ZNF417: variants seen among roughly 807,000 people sequenced by gnomAD.
ZNF417 encodes zinc finger protein 417.
In ZNF417, 5 loss-of-function variants were observed where a neutral mutation model predicts 7.4. The ratio of observed to expected loss-of-function variants is 0.68; its 90% CI spans 0.35 to 1.43. The LOEUF is 1.43. Ranked by LOEUF, ZNF417 falls within the 40% of genes most tolerant of loss-of-function variation. The probability of loss-of-function intolerance (pLI) is 0.04; values close to 1 mark genes in which losing one functional copy is unlikely to be tolerated. For missense variants in ZNF417, 437 were observed against 697.3 expected, an observed-to-expected ratio of 0.63 and a Z score of 4.20; for synonymous variants, 147 against 239.1, an observed-to-expected ratio of 0.61 and a Z score of 3.55.
chr19:57,911,512 T>C (rs1017299226), intron 2 of ZNF417, among the ~76,000 whole-genome samples: 9 of 152,082 alleles, frequency 5.9e-5, no homozygotes, highest in Admixed American at 6.6e-5. Flanking sequence ...ACCCAGTACA[T>C]AGGACCCGAC....
At chr19:57,912,614 T>G (rs1324236050) in intron 1 of ZNF417, among the ~76,000 whole-genome samples, 1 of 152,082 alleles carries the variant, frequency 6.6e-6, no homozygotes, top group East Asian at 1.9e-4. Flanking sequence ...CTTTGTTTTT[T>G]GGGGTTTTTT....
At chr19:57,913,875 T>A (rs918705677) in intron 1 of ZNF417, among the ~76,000 whole-genome samples, 1 of 152,176 alleles carries the variant, frequency 6.6e-6, no homozygotes, top group African/African-American at 2.4e-5. Flanking sequence ...CACCAAAATC[T>A]GAAGCATGTC....
At chr19:57,912,226 C>T in intron 1 of ZNF417, 37 bp from the exon 2 acceptor site, 3 of 1,612,056 alleles carry the variant, frequency 1.9e-6, no homozygotes, top group Non-Finnish European at 2.5e-6. Flanking sequence ...AACAGCCCCT[C>T]TGCTGAGGTA....
Position 57,907,537 on chromosome 19 carries a change from G to A in ZNF417, c.*1013C>T. On this transcript the variant is annotated 3_prime_UTR_variant, in exon 3 of 3. Coordinates refer to ENST00000312026, the MANE Select transcript of ZNF417 (RefSeq NM_152475.3). ...AGCCCTCAGGGAAGCTGAGGAGGTG[G>A]CTCCCTGCCTCCGGGTCCCTCAGAA... is the stretch of plus-strand genomic sequence containing the variant. 1 of 154,956 alleles carries A rather than the reference G, an allele frequency of 6.5e-6. No individual in the cohort carries two copies. Among genetic ancestry groups the A allele is most frequent in the Middle Eastern group, 5.2e-4 (1 of 1,922 alleles). The allele number at this position is 154,956 out of a possible 1,614,324, so 9.6% of individuals were successfully genotyped here.
chr19:57,913,892 A>G (rs931312216), intron 1 of ZNF417, among the ~76,000 whole-genome samples: 1 of 152,060 alleles, frequency 6.6e-6, no homozygotes, highest in Non-Finnish European at 1.5e-5. Context: ...TGTCCTCCTA[A>G]ATGGACCCAT....
At position 57,909,303 on chromosome 19, in the gene ZNF417, C is replaced by T. The variant is rs764221919; in HGVS notation, c.975G>A (p.Glu325=). The T allele has an allele frequency of 6.2e-7, 1 of 1,614,086 alleles. No individual in the cohort carries two copies. Among genetic ancestry groups the T allele is most frequent in the Non-Finnish European group, 8.5e-7 (1 of 1,179,958 alleles). The stretch of plus-strand genomic sequence containing the variant: ...CAAAAGATTTCCCATATTCTCTACA[C>T]TCATAAGGCCTTTCTCCAGTGTGAA... ...QRVHTGERPY[E]CREYGKSFGQ... is the part of the protein sequence containing the mutation. The change falls in exon 3 of 3, where the codon GAG becomes GAA. Residue 325 remains glutamate, a synonymous_variant. Transcript: ENST00000312026.
chr19:57,911,640 G>A (rs2071900066), intron 2 of ZNF417, among the ~76,000 whole-genome samples: 1 of 152,174 alleles, frequency 6.6e-6, no homozygotes. Flanking sequence ...TTCCTAAGCA[G>A]GGTCTTGCAA....
chr19:57,909,456 C>T lies in ZNF417; in HGVS notation c.822G>A (p.Gly274=). The T allele has an allele frequency of 6.2e-7, 1 of 1,613,774 alleles. No homozygotes were observed. The highest frequency in any genetic ancestry group is 8.5e-7 in the Non-Finnish European group (1 of 1,179,896). The change falls in exon 3 of 3, where the codon GGG becomes GGA. Residue 274 remains glycine, a synonymous_variant. Transcript: ENST00000312026. ...GGCTGCTCTTTCGACTATAAGATTT[C>T]CCACACTCTCCACAATCATAAGGTC... is the stretch of plus-strand genomic sequence containing the variant. The part of the protein sequence containing the change: ...AKGPYDCGEC[G]KSYSRKSSLI...
Position 57,908,394 on chromosome 19 carries a change from A to G in ZNF417, c.*156T>C, listed in dbSNP as rs930476342. On this transcript the variant is annotated 3_prime_UTR_variant, in exon 3 of 3. Coordinates refer to ENST00000312026, the MANE Select transcript of ZNF417 (RefSeq NM_152475.3). The stretch of plus-strand genomic sequence containing the variant: ...ACTCCAGCCTGGGTGACAGAATGAG[A>G]CTCCGTTCCAATGCGAAGTCTCTTA... The G allele has an allele frequency of 2.2e-6, 3 of 1,388,342 alleles. No individual in the cohort carries two copies. Among genetic ancestry groups the G allele is most frequent in the Non-Finnish European group, 3.0e-6 (3 of 1,012,584 alleles). 86.0% of individuals were successfully genotyped at this position (1,388,342 alleles called of 1,614,324 possible). A position where few individuals can be genotyped will look rare whatever the true frequency, so the allele number is the denominator to read the frequency against.
chr19:57,907,376 T>C lies in ZNF417; in HGVS notation c.*1174A>G, dbSNP rs770482792. Reference sequence around the variant, plus strand: ...GACATTAAGTGTCCACTCAATAACTTTGATTCAAACTATCTTCATGTTCTT... The same window carrying C: ...GACATTAAGTGTCCACTCAATAACTCTGATTCAAACTATCTTCATGTTCTT... On this transcript the variant is annotated 3_prime_UTR_variant, in exon 3 of 3. Coordinates refer to ENST00000312026, the MANE Select transcript of ZNF417 (RefSeq NM_152475.3). 3 of 154,336 alleles carry C rather than the reference T, an allele frequency of 1.9e-5. No individual in the cohort carries two copies. Among genetic ancestry groups the C allele is most frequent in the African/African-American group, 7.2e-5 (3 of 41,530 alleles). The allele number at this position is 154,336 out of a possible 1,614,324, so 9.6% of individuals were successfully genotyped here. A position where few individuals can be genotyped will look rare whatever the true frequency, so the allele number is the denominator to read the frequency against.
At chr19:57,912,618 G>T (rs987033467) in intron 1 of ZNF417, among the ~76,000 whole-genome samples, 4 of 151,610 alleles carry the variant, frequency 2.6e-5, no homozygotes, top group African/African-American at 4.8e-5. Context: ...GTTTTTTGGG[G>T]TTTTTTTTGA....
chr19:57,915,514 G>A, intron 1 of ZNF417: 1 of 489,234 alleles, frequency 2.0e-6, no homozygotes, highest in Non-Finnish European at 3.8e-6. Context: ...AGGTGAAACC[G>A]TCTTTGCAAA....
rs1445540178 is a variant in ZNF417 at position 57,906,038 on chromosome 19, T to C, written c.*2512A>G. Among the ~76,000 whole-genome samples, 1 of 152,186 alleles carries C rather than the reference T, an allele frequency of 6.6e-6. No individual in the cohort carries two copies. The highest frequency in any genetic ancestry group is 2.4e-5 in the African/African-American group (1 of 41,448). ...TAGAGTGCAGTGGTACCATCTCAGC[T>C]GATTGCAACCTCCATTTCCGAGGAA... On this transcript the variant is annotated 3_prime_UTR_variant, in exon 3 of 3. Coordinates refer to ENST00000312026, the MANE Select transcript of ZNF417 (RefSeq NM_152475.3).
chr19:57,914,038 T>C (rs2071922312), intron 1 of ZNF417, among the ~76,000 whole-genome samples: 1 of 152,222 alleles, frequency 6.6e-6, no homozygotes, highest in Non-Finnish European at 1.5e-5. Flanking sequence ...ACTCTTCATA[T>C]GGCCAAAACA....
rs1206573546 is a variant in ZNF417, at chr19:57,907,101, C to G, written c.*1449G>C. On this transcript the variant is annotated 3_prime_UTR_variant, in exon 3 of 3. Coordinates refer to ENST00000312026, the MANE Select transcript of ZNF417 (RefSeq NM_152475.3). ...ACTCCTGACCTTGTAAGCCACCCAC[C>G]TCAGCCTCCCAAAGTGCTGGGATTA... 1 of 151,994 alleles carries G rather than the reference C, an allele frequency of 6.6e-6. No homozygotes were observed. Among genetic ancestry groups the G allele is most frequent in the Non-Finnish European group, 1.5e-5 (1 of 68,020 alleles). The allele number at this position is 151,994 out of a possible 1,614,324, so 9.4% of individuals were successfully genotyped here.
intron 1 of ZNF417, 135 bp downstream of exon 1, chr19:57,916,244 A>AC (rs2071946604): frequency 1.2e-5 from 18 of 1,527,372 alleles, no homozygotes; most frequent in Non-Finnish European, 2.7e-6. Context: ...TTACACAGGG[A>AC]CCCCTCCTGC....
At chr19:57,914,338 T>C (rs1322219518) in intron 1 of ZNF417, among the ~76,000 whole-genome samples, 1 of 151,604 alleles carries the variant, frequency 6.6e-6, no homozygotes, top group Non-Finnish European at 1.5e-5. Context: ...ATACAAAAAT[T>C]AGCTGGGCGT....
rs978468842 is a variant in ZNF417 at position 57,908,159 on chromosome 19, C to G, written c.*391G>C. On this transcript the variant is annotated 3_prime_UTR_variant, in exon 3 of 3. Transcript: ENST00000312026. ...GGTGACATCTTAACTGTTTCACTGC[C>G]CAGCAATCTATACGTATTGTCACTT... 4.1e-6 allele frequency: 1 copy of G among 242,952 alleles called. No individual in the cohort carries two copies. Among genetic ancestry groups the G allele is most frequent in the African/African-American group, 2.2e-5 (1 of 44,692 alleles). The allele number at this position is 242,952 out of a possible 1,614,324, so 15.0% of individuals were successfully genotyped here.
intron 1 of ZNF417, among the ~76,000 whole-genome samples, chr19:57,912,550 C>T (rs746480564): frequency 2.0e-5 from 3 of 152,140 alleles, no homozygotes; most frequent in Non-Finnish European, 4.4e-5. Flanking sequence ...CATGGCCACC[C>T]CTACCTGAGT....
Sources: allele counts gnomAD v4.1 joint callset (sites outside exome capture counted in the v4.1 genomes callset), GRCh38; gene constraint gnomAD v4.1.1; transcripts MANE v1.5; gene names NCBI Gene and HGNC (gene_info 2026-07-23, HGNC 2026-07-21).